The following THADA variants were observed in gnomAD, a reference collection of about 807,000 sequenced individuals.
The protein encoded by THADA is THADA armadillo repeat containing, also known as tRNA (32-2'-O)-methyltransferase regulator THADA.
Under a neutral mutation model 219.8 loss-of-function variants are expected in THADA, and 213 were observed. The observed-to-expected ratio is 0.97, with a 90% CI of 0.87 to 1.09. The LOEUF (loss-of-function observed/expected upper bound fraction) is 1.09. Ranked by LOEUF, THADA falls within the 50% of genes least tolerant of loss-of-function variation. The pLI is 0.00. For synonymous variants in THADA, 1,018 were observed against 828.9 expected (o/e 1.23, Z -3.92); for missense variants, 2,956 against 2,311.3 (o/e 1.28, Z -5.72).
At chr2:43,446,004 A>G (rs1338943734) in intron 26 of THADA, among the ~76,000 whole-genome samples, 1 of 152,204 alleles carries the variant, frequency 6.6e-6, no homozygotes, top group African/African-American at 2.4e-5. Context: ...ACTGGCCCAA[A>G]GGTGGGCCAG....
intron 4 of THADA, among the ~76,000 whole-genome samples, chr2:43,590,019 G>A (rs1290878302): frequency 6.6e-6 from 1 of 152,046 alleles, no homozygotes; most frequent in African/African-American, 2.4e-5. Context: ...TATAAAAAAA[G>A]TAGAATGTAA....
chr2:43,340,152 A>G (rs529678521), intron 30 of THADA, among the ~76,000 whole-genome samples: 41 of 152,270 alleles, frequency 2.7e-4, no homozygotes, highest in African/African-American at 9.6e-4. Context: ...AAACTGGATC[A>G]AGAAGGGAGG....
At chr2:43,411,334 T>C (rs150145310) in intron 28 of THADA, among the ~76,000 whole-genome samples, 4 of 152,302 alleles carry the variant, frequency 2.6e-5, no homozygotes, top group African/African-American at 9.6e-5. Context: ...ATAGCACATA[T>C]TAAAAGAAAT....
rs369696162 is a variant in THADA at position 43,547,010 on chromosome 2, C to T, written c.3106+2200G>A. 8.9e-4 allele frequency among the ~76,000 whole-genome samples: 136 copies of T among 152,146 alleles called. No homozygotes were observed. In the East Asian group the frequency reaches 0.021, roughly 23 times the overall value. Reference sequence around the variant, plus strand: ...GGCATGATTTTGCAGTGGCTGGTACCGGTTGTTCCTTTCCATGTTTAGTGC... The same window carrying T: ...GGCATGATTTTGCAGTGGCTGGTACTGGTTGTTCCTTTCCATGTTTAGTGC... On this transcript the variant is annotated intron_variant, in intron 20 of 37. Coordinates refer to ENST00000405975, the MANE Select transcript of THADA (RefSeq NM_022065.5).
chr2:43,251,225 C>T (rs774371593), intron 36 of THADA, among the ~76,000 whole-genome samples: 1 of 152,186 alleles, frequency 6.6e-6, no homozygotes, highest in Admixed American at 6.5e-5. Flanking sequence ...GAGATCAGAT[C>T]AGATCACAAA....
At chr2:43,342,084 G>C (rs190518782) in intron 30 of THADA, among the ~76,000 whole-genome samples, 1 of 152,214 alleles carries the variant, frequency 6.6e-6, no homozygotes, top group Non-Finnish European at 1.5e-5. Flanking sequence ...GCATAGTGGC[G>C]TGTGCCTGTA....
In THADA at chr2:43,397,254, T is replaced by C. The variant is rs544735191; in HGVS notation, c.4227+717A>G. Among the ~76,000 whole-genome samples, 4 of 152,288 alleles carry C rather than the reference T, an allele frequency of 2.6e-5. No homozygotes were observed. The South Asian group carries it at 6.2e-4, about 24-fold the overall frequency. ...CAACTCTGTTCATAAACCAGGAACATGACCTGACATTTATTTTCCACCCCT... is the reference window on the plus strand; with the variant it reads ...CAACTCTGTTCATAAACCAGGAACACGACCTGACATTTATTTTCCACCCCT... On this transcript the variant is annotated intron_variant, in intron 29 of 37. Coordinates refer to ENST00000405975, the MANE Select transcript of THADA (RefSeq NM_022065.5).
chr2:43,521,391 T>C (rs1692464611), intron 22 of THADA, among the ~76,000 whole-genome samples: 1 of 151,994 alleles, frequency 6.6e-6, no homozygotes. Flanking sequence ...CCAGTCTCTA[T>C]AAAAATACAA....
intron 30 of THADA, chr2:43,343,852 C>T (rs150864647): frequency 5.9e-5 from 20 of 338,508 alleles, no homozygotes; most frequent in Middle Eastern, 9.7e-4. Context: ...GGACTGGGCA[C>T]GCAGCAGGTT....
Position 43,571,652 on chromosome 2 carries a change from C to T in THADA, c.2064+55G>A, listed in dbSNP as rs554035359. 3.8e-5 allele frequency: 59 copies of T among 1,551,816 alleles called. No homozygotes were observed. The Middle Eastern group carries it at 5.2e-4, about 14-fold the overall frequency. ...CCAAAATCTGGGCTCTTTTTAAAAA[C>T]GATTTCCCAAACAAAGTTCACCACT... is the stretch of plus-strand genomic sequence containing the variant. On this transcript the variant is annotated intron_variant, in intron 13 of 37. Transcript: ENST00000405975.
At chr2:43,300,381 C>G (rs1213645365) in intron 31 of THADA, among the ~76,000 whole-genome samples, 1 of 151,918 alleles carries the variant, frequency 6.6e-6, no homozygotes, top group Non-Finnish European at 1.5e-5. Context: ...GAGGTAGGCT[C>G]TATTATTATT....
At chr2:43,432,367 T>G (rs567228289) in intron 26 of THADA, among the ~76,000 whole-genome samples, 1 of 152,314 alleles carries the variant, frequency 6.6e-6, no homozygotes, top group African/African-American at 2.4e-5. Flanking sequence ...AATATATCAA[T>G]AGTCTGGTTC....
chr2:43,385,751 G>A (rs1237572898), intron 29 of THADA, among the ~76,000 whole-genome samples: 1 of 151,158 alleles, frequency 6.6e-6, no homozygotes, highest in Non-Finnish European at 1.5e-5. Context: ...GTGTCAAACA[G>A]CACATGTAAG....
intron 28 of THADA, among the ~76,000 whole-genome samples, chr2:43,402,713 T>C (rs1335391541): frequency 6.6e-6 from 1 of 152,152 alleles, no homozygotes; most frequent in African/African-American, 2.4e-5. Context: ...ACAAGCAACC[T>C]ACAGTCTAGT....
At chr2:43,315,333 T>G (rs1322774906) in intron 31 of THADA, among the ~76,000 whole-genome samples, 1 of 152,230 alleles carries the variant, frequency 6.6e-6, no homozygotes, top group Non-Finnish European at 1.5e-5. Flanking sequence ...CCTTTTACCA[T>G]AGCGCTGGCT....
At chr2:43,488,985 T>C (rs912187055) in intron 25 of THADA, among the ~76,000 whole-genome samples, 2 of 152,200 alleles carry the variant, frequency 1.3e-5, no homozygotes, top group Non-Finnish European at 2.9e-5. Context: ...AAATATTCTT[T>C]GTCCATTTTA....
At chr2:43,508,826 T>TA (rs1160189648) in intron 22 of THADA, 46 bp from the exon 23 acceptor site, 2 of 1,592,644 alleles carry the variant, frequency 1.3e-6, no homozygotes, top group Middle Eastern at 3.3e-4. Context: ...GTATCAAAGT[T>TA]AAAAGTACAA....
intron 7 of THADA, among the ~76,000 whole-genome samples, chr2:43,584,137 T>C (rs1303513537): frequency 6.7e-6 from 1 of 148,736 alleles, no homozygotes; most frequent in African/African-American, 2.5e-5. Flanking sequence ...AATAGGCAAA[T>C]TCAAAAAGAC....
intron 21 of THADA, among the ~76,000 whole-genome samples, chr2:43,540,922 G>A (rs906893079): frequency 7.9e-5 from 12 of 152,110 alleles, no homozygotes; most frequent in African/African-American, 2.9e-4. Context: ...ACAGTTAAAA[G>A]TGAGGTAAAA....
Sources: gnomAD v4.1 joint callset for allele counts (sites outside exome capture counted in the v4.1 genomes callset) on GRCh38, gnomAD v4.1.1 for gene constraint, MANE v1.5 for transcripts, NCBI Gene and HGNC (gene_info 2026-07-23, HGNC 2026-07-21) for gene names.